The following NEGR1 variants were observed in gnomAD, a reference collection of about 807,000 sequenced individuals.
The protein encoded by NEGR1 is neuronal growth regulator 1.
NEGR1 carries 10 observed loss-of-function variants against 40.9 expected under a neutral mutation model. The observed-to-expected ratio is 0.24, with a 90% CI of 0.15 to 0.42. The LOEUF (loss-of-function observed/expected upper bound fraction) is 0.42, where lower values mean the gene tolerates loss of function less well. Ranked by LOEUF, NEGR1 falls within the 10% of genes least tolerant of loss-of-function variation. The pLI, the probability that NEGR1 is intolerant of heterozygous loss-of-function variation, is 1.00. For synonymous variants in NEGR1, 185 were observed against 166.8 expected (o/e 1.11, Z -0.84); for missense variants, 352 against 438.9 (o/e 0.80, Z 1.77).
intron 1 of NEGR1, among the ~76,000 whole-genome samples, chr1:72,107,377 A>G (rs1649178285): frequency 6.6e-6 from 1 of 151,692 alleles, no homozygotes; most frequent in Non-Finnish European, 1.5e-5. Flanking sequence ...AAAAAAAATT[A>G]GCCTGGGAAA....
chr1:71,684,501 CGTGT>C (rs147250387), intron 4 of NEGR1, among the ~76,000 whole-genome samples: 1 of 151,088 alleles, frequency 6.6e-6, no homozygotes, highest in Non-Finnish European at 1.5e-5. Context: ...TTTTTGTGTG[CGTGT>C]GTGTGTGTGC....
intron 3 of NEGR1, among the ~76,000 whole-genome samples, chr1:71,700,346 T>C (rs1313609925): frequency 1.3e-5 from 2 of 151,962 alleles, no homozygotes; most frequent in Non-Finnish European, 2.9e-5. Flanking sequence ...CATGCCTTAT[T>C]TGTATACAAC....
At chr1:71,888,236 G>A (rs1194686076) in intron 2 of NEGR1, among the ~76,000 whole-genome samples, 1 of 152,146 alleles carries the variant, frequency 6.6e-6, no homozygotes, top group Admixed American at 6.5e-5. Context: ...AATAGGAACA[G>A]CTCCAGTCTA....
intron 1 of NEGR1, among the ~76,000 whole-genome samples, chr1:72,272,380 T>A (rs113791253): frequency 6.6e-6 from 1 of 151,892 alleles, no homozygotes; most frequent in Non-Finnish European, 1.5e-5. Context: ...ACCAAATATA[T>A]TAATTTGAAA....
chr1:72,079,296 A>C (rs1647885926), intron 1 of NEGR1, among the ~76,000 whole-genome samples: 1 of 151,942 alleles, frequency 6.6e-6, no homozygotes, highest in Admixed American at 6.6e-5. Context: ...TAAGCTTCAT[A>C]AACAACTATC....
At position 71,407,211 on chromosome 1, in the gene NEGR1, A is replaced by G. The variant is rs1646283763; in HGVS notation, c.*235T>C. On this transcript the variant is annotated 3_prime_UTR_variant, in exon 7 of 7. Transcript: ENST00000357731. ...ATTAATATCCTCTAAAAGTAATTTC[A>G]GAGCTTTCACGTCTTAAAAAAAGGA... 5.9e-6 allele frequency: 2 copies of G among 337,012 alleles called. No individual in the cohort carries two copies. Among genetic ancestry groups the G allele is most frequent in the Non-Finnish European group, 1.1e-5 (2 of 183,228 alleles). The allele number at this position is 337,012 out of a possible 1,614,324, so 20.9% of individuals were successfully genotyped here. A position where few individuals can be genotyped will look rare whatever the true frequency, so the allele number is the denominator to read the frequency against.
intron 6 of NEGR1, chr1:71,489,611 G>A (rs1646912079): frequency 6.6e-6 from 1 of 151,904 alleles, no homozygotes; most frequent in African/African-American, 2.4e-5. Flanking sequence ...GTAGAGTCAT[G>A]ATTTAATGTC....
chr1:72,217,755 GA>G (rs1188806012), intron 1 of NEGR1, among the ~76,000 whole-genome samples: 1 of 151,788 alleles, frequency 6.6e-6, no homozygotes, highest in Non-Finnish European at 1.5e-5. Context: ...GGAAGTAAAT[GA>G]CTTGTGGATA....
intron 1 of NEGR1, among the ~76,000 whole-genome samples, chr1:72,259,818 T>C (rs1428495291): frequency 6.6e-6 from 1 of 152,136 alleles, no homozygotes; most frequent in African/African-American, 2.4e-5. Flanking sequence ...TTCTTGTATA[T>C]GGTTCTATCG....
intron 4 of NEGR1, among the ~76,000 whole-genome samples, chr1:71,617,016 G>T (rs1302816988): frequency 6.6e-6 from 1 of 152,186 alleles, no homozygotes; most frequent in East Asian, 1.9e-4. Flanking sequence ...ACCACATGGA[G>T]ACCAAGCACC....
At chr1:72,201,313 T>A (rs1653195928) in intron 1 of NEGR1, among the ~76,000 whole-genome samples, 1 of 150,638 alleles carries the variant, frequency 6.6e-6, no homozygotes, top group South Asian at 2.1e-4. Flanking sequence ...TTTTTTATAT[T>A]TTATTTTATT....
chr1:72,242,772 A>G (rs1654787558), intron 1 of NEGR1, among the ~76,000 whole-genome samples: 1 of 151,754 alleles, frequency 6.6e-6, no homozygotes, highest in East Asian at 1.9e-4. Flanking sequence ...TGAGTAAATC[A>G]AAGTACAGAT....
chr1:71,839,959 G>A (rs1328612977), intron 2 of NEGR1, among the ~76,000 whole-genome samples: 3 of 152,088 alleles, frequency 2.0e-5, no homozygotes, highest in African/African-American at 7.2e-5. Flanking sequence ...CTTCTTACTA[G>A]TATTAGAATA....
intron 6 of NEGR1, among the ~76,000 whole-genome samples, chr1:71,524,659 C>G (rs556558801): frequency 6.6e-6 from 1 of 151,474 alleles, no homozygotes; most frequent in Non-Finnish European, 1.5e-5. Context: ...TTCTAATTCC[C>G]GAAACCTGGG....
At chr1:71,873,603 G>C (rs901281500) in intron 2 of NEGR1, among the ~76,000 whole-genome samples, 1 of 152,072 alleles carries the variant, frequency 6.6e-6, no homozygotes, top group Non-Finnish European at 1.5e-5. Context: ...AATAATCTAT[G>C]TGCAAATATG....
chr1:71,745,375 G>A (rs577865315), intron 3 of NEGR1, among the ~76,000 whole-genome samples: 10 of 152,202 alleles, frequency 6.6e-5, no homozygotes, highest in African/African-American at 2.2e-4. Context: ...CAAAAACCCT[G>A]AGTTTTATAG....
chr1:72,024,471 A>G (rs373488349), intron 1 of NEGR1, among the ~76,000 whole-genome samples: 9 of 152,230 alleles, frequency 5.9e-5, no homozygotes, highest in African/African-American at 1.9e-4. Flanking sequence ...TAAATCAAAT[A>G]AAAATCCTTG....
intron 4 of NEGR1, among the ~76,000 whole-genome samples, chr1:71,651,675 T>C (rs1483525830): frequency 2.0e-5 from 3 of 152,162 alleles, no homozygotes; most frequent in Non-Finnish European, 2.9e-5. Flanking sequence ...ATTTATCATA[T>C]TCTATCCTGT....
At chr1:71,418,828 C>G (rs1396260103) in intron 6 of NEGR1, among the ~76,000 whole-genome samples, 1 of 152,106 alleles carries the variant, frequency 6.6e-6, no homozygotes, top group Admixed American at 6.6e-5. Context: ...TTCTTTTCCT[C>G]TTGTTTCTTC....
Sources: allele counts gnomAD v4.1 joint callset (sites outside exome capture counted in the v4.1 genomes callset), GRCh38; gene constraint gnomAD v4.1.1; transcripts MANE v1.5; gene names NCBI Gene and HGNC (gene_info 2026-07-23, HGNC 2026-07-21).